Variants in CHRM5 observed in about 807,000 individuals in gnomAD.
CHRM5 encodes the protein muscarinic acetylcholine receptor M5.
A neutral mutation model predicts 39.0 loss-of-function variants in CHRM5; 18 were observed. The ratio of observed to expected loss-of-function variants is 0.46; its 90% CI spans 0.32 to 0.68. CHRM5 has a LOEUF of 0.68. CHRM5 is among the 30% of genes least tolerant of loss of function. CHRM5 has a pLI of 0.04. For synonymous variants in CHRM5, 241 were observed against 246.3 expected (o/e 0.98, Z 0.20); for missense variants, 515 against 651.1 (o/e 0.79, Z 2.28).
rs561482649 is a variant in CHRM5, at chr15:34,038,657, C to G, written c.-407-7883C>G. The G allele has an allele frequency of 8.7e-5, 83 of 950,182 alleles. No homozygotes were observed. In the Middle Eastern group the frequency reaches 1.8e-3, roughly 21 times the overall value. 58.9% of individuals were successfully genotyped at this position (950,182 alleles called of 1,614,324 possible). On this transcript the variant is annotated intron_variant, in intron 1 of 2. Coordinates refer to ENST00000383263, the MANE Select transcript of CHRM5 (RefSeq NM_012125.4). ...CCACCATCCGCCCGTCCCGCGCAGG[C>G]GCCGGCGCCGCCGCCCGTCTGGCGC...
chr15:34,000,510 T>C (rs1199880304), intron 1 of CHRM5, among the ~76,000 whole-genome samples: 3 of 152,200 alleles, frequency 2.0e-5, no homozygotes, highest in Non-Finnish European at 4.4e-5. Flanking sequence ...TCTAGAAAAG[T>C]TTATGATTGC....
intron 1 of CHRM5, among the ~76,000 whole-genome samples, chr15:33,986,927 G>A (rs1028750624): frequency 4.6e-5 from 7 of 152,302 alleles, no homozygotes; most frequent in Middle Eastern, 6.8e-3. Context: ...AAAGTGCTGG[G>A]ATTACAGGCA....
At chr15:34,029,765 G>A (rs1597370440) in intron 1 of CHRM5, among the ~76,000 whole-genome samples, 2 of 152,260 alleles carry the variant, frequency 1.3e-5, no homozygotes, top group East Asian at 3.9e-4. Flanking sequence ...GAATTGAAGT[G>A]TAATGTATCT....
At chr15:33,978,327 G>A (rs1218265918) in intron 1 of CHRM5, among the ~76,000 whole-genome samples, 1 of 152,112 alleles carries the variant, frequency 6.6e-6, no homozygotes, top group Non-Finnish European at 1.5e-5. Flanking sequence ...AAACAGAGTG[G>A]GGGAGTACAT....
intron 1 of CHRM5, among the ~76,000 whole-genome samples, chr15:34,037,400 G>C (rs1263632205): frequency 6.6e-6 from 1 of 151,634 alleles, no homozygotes; most frequent in Admixed American, 6.6e-5. Context: ...ATAAATCCCA[G>C]CTCTGCCACT....
At chr15:34,045,856 T>C (rs1160601470) in intron 1 of CHRM5, among the ~76,000 whole-genome samples, 1 of 152,208 alleles carries the variant, frequency 6.6e-6, no homozygotes, top group Non-Finnish European at 1.5e-5. Flanking sequence ...TGTAATGTAT[T>C]GACAGCAGAG....
chr15:34,003,045 G>A lies in CHRM5; in HGVS notation c.-408+33895G>A, dbSNP rs373433475. The A allele has an allele frequency of 5.6e-6, 9 of 1,613,564 alleles. No homozygotes were observed. The African/African-American group carries it at 9.3e-5, about 17-fold the overall frequency. On this transcript the variant is annotated intron_variant, in intron 1 of 2. Transcript: ENST00000383263. Reference sequence around the variant, plus strand: ...TGGAATTCATACCTGCAGAGCTAAGGAGGACACTGAAATCTGTTCCCCTCT... The same window carrying A: ...TGGAATTCATACCTGCAGAGCTAAGAAGGACACTGAAATCTGTTCCCCTCT...
intron 1 of CHRM5, chr15:33,972,643 G>C (rs1282583958): frequency 6.6e-6 from 1 of 152,198 alleles, no homozygotes; most frequent in Non-Finnish European, 1.5e-5. Flanking sequence ...TAAATCAGGA[G>C]TTAGGGTTCA....
At chr15:34,008,961 C>A (rs1236631182) in intron 1 of CHRM5, among the ~76,000 whole-genome samples, 1 of 149,528 alleles carries the variant, frequency 6.7e-6, no homozygotes. Context: ...CGCGCACACA[C>A]ACACACACAC....
At chr15:34,013,555 T>G (rs192274348) in intron 1 of CHRM5, among the ~76,000 whole-genome samples, 4 of 152,212 alleles carry the variant, frequency 2.6e-5, no homozygotes, top group Admixed American at 2.6e-4. Flanking sequence ...GTTTCCTGAG[T>G]AGTTACTGAC....
chr15:34,025,669 T>C (rs1898424483), intron 1 of CHRM5, among the ~76,000 whole-genome samples: 2 of 152,204 alleles, frequency 1.3e-5, no homozygotes, highest in East Asian at 1.9e-4. Context: ...TTGAAGTGTT[T>C]AGGGGTAAAG....
intron 1 of CHRM5, chr15:34,003,220 T>C: frequency 6.2e-7 from 1 of 1,612,278 alleles, no homozygotes; most frequent in Non-Finnish European, 8.5e-7. Context: ...CTGCAATCAT[T>C]AGAGACAAAT....
intron 1 of CHRM5, among the ~76,000 whole-genome samples, chr15:34,019,752 A>G (rs989897040): frequency 7.2e-5 from 11 of 152,242 alleles, no homozygotes; most frequent in African/African-American, 2.7e-4. Context: ...GCAATATGTT[A>G]TACCATACCG....
intron 1 of CHRM5, among the ~76,000 whole-genome samples, 183 bp from the exon 2 acceptor site, chr15:34,046,357 A>AAAC (rs397764362): frequency 6.6e-6 from 1 of 150,720 alleles, no homozygotes; most frequent in Non-Finnish European, 1.5e-5. Context: ...AAAAAAAAAA[A>AAAC]CGGGAAAAAG....
intron 1 of CHRM5, among the ~76,000 whole-genome samples, chr15:34,000,676 G>C (rs1897104105): frequency 7.2e-5 from 11 of 152,158 alleles, no homozygotes. Context: ...GAATGAAGTT[G>C]ACCTCTCGAA....
rs1896785620 is a variant in CHRM5, at chr15:33,992,792, T to C, written c.-408+23642T>C. On this transcript the variant is annotated intron_variant, in intron 1 of 2. Transcript: ENST00000383263. ...GTAATATCCTTTCTTTTCCCTTCAG[T>C]CTAATTGTTGGCACAAGGAACAGAG... is the stretch of plus-strand genomic sequence containing the variant. 2.0e-5 allele frequency among the ~76,000 whole-genome samples: 3 copies of C among 152,364 alleles called. No individual in the cohort carries two copies. In the South Asian group the frequency reaches 6.2e-4, roughly 32 times the overall value.
chr15:34,003,239 A>C (rs770110975), intron 1 of CHRM5: 8 of 1,607,526 alleles, frequency 5.0e-6, no homozygotes, highest in Non-Finnish European at 6.8e-6. Context: ...ATCAATAAGT[A>C]AGCAGTGGAA....
chr15:34,017,831 G>A (rs1419080543), intron 1 of CHRM5, among the ~76,000 whole-genome samples: 1 of 152,122 alleles, frequency 6.6e-6, no homozygotes. Flanking sequence ...TAGCAACTAA[G>A]TAATGCACCA....
chr15:33,989,967 G>A lies in CHRM5; in HGVS notation c.-408+20817G>A, dbSNP rs560069492. Among the ~76,000 whole-genome samples the A allele has an allele frequency of 3.3e-5, 5 of 151,614 alleles. No individual in the cohort carries two copies. The South Asian group carries it at 8.4e-4, about 25-fold the overall frequency. On this transcript the variant is annotated intron_variant, in intron 1 of 2. Coordinates refer to ENST00000383263, the MANE Select transcript of CHRM5 (RefSeq NM_012125.4). ...ACCTCTAATCCCAGCACTTTGGGAGGCCAAAGCAGGAGGATCACTTGAGGT... is the reference window on the plus strand; with the variant it reads ...ACCTCTAATCCCAGCACTTTGGGAGACCAAAGCAGGAGGATCACTTGAGGT...
Sources: gnomAD v4.1 joint callset for allele counts (sites outside exome capture counted in the v4.1 genomes callset) on GRCh38, gnomAD v4.1.1 for gene constraint, MANE v1.5 for transcripts, NCBI Gene and HGNC (gene_info 2026-07-23, HGNC 2026-07-21) for gene names.